P2RX2: variants seen among roughly 807,000 people sequenced by gnomAD.
The protein encoded by P2RX2 is P2X purinoceptor 2.
A neutral mutation model predicts 54.8 loss-of-function variants in P2RX2; 50 were observed. That is an observed-to-expected ratio of 0.91 (90% CI 0.73 to 1.15). The LOEUF is 1.15. Ranked by LOEUF, P2RX2 falls within the 50% of genes most tolerant of loss-of-function variation. The pLI is 0.00. For synonymous variants in P2RX2, 289 were observed against 259.4 expected (o/e 1.11, Z -1.09); for missense variants, 658 against 633.2 (o/e 1.04, Z -0.42).
rs2041534871 is a variant in P2RX2 at position 132,619,327 on chromosome 12, C to T, written c.174-112C>T. 5.7e-6 allele frequency: 7 copies of T among 1,231,076 alleles called. No homozygotes were observed. In the Admixed American group the frequency reaches 1.0e-4, roughly 18 times the overall value. 76.3% of individuals were successfully genotyped at this position (1,231,076 alleles called of 1,614,324 possible). Reference sequence around the variant, plus strand: ...TGGGACCGAGGGCGCGGGGCAGGCCCCAAGAGCCCCGCAGAGCGGACCCGG... The same window carrying T: ...TGGGACCGAGGGCGCGGGGCAGGCCTCAAGAGCCCCGCAGAGCGGACCCGG... On this transcript the variant is annotated intron_variant, in intron 1 of 10. Transcript: ENST00000643471.
chr12:132,621,853 T>G lies in P2RX2; in HGVS notation c.1297T>G (p.Phe433Val). The change falls in exon 11 of 11, where the codon TTC (phenylalanine) becomes GTC (valine). Residue 433 changes from phenylalanine to valine, a missense_variant. Physicochemically the swap from Phe to Val is conservative, Grantham distance 50. Coordinates refer to ENST00000643471, the MANE Select transcript of P2RX2 (RefSeq NM_170682.4). ...ACAAGGGGCAGAGTGTGGCCCAGCCTTCCCGCCCCTGCGGCCTTGCCCCAT... is the reference window on the plus strand; with the variant it reads ...ACAAGGGGCAGAGTGTGGCCCAGCCGTCCCGCCCCTGCGGCCTTGCCCCAT... The part of the protein sequence containing the change: ...GQQGAECGPA[F>V]PPLRPCPISA... 1 of 1,612,906 alleles carries G rather than the reference T, an allele frequency of 6.2e-7. No homozygotes were observed.
In P2RX2 at chr12:132,619,475, CGAGACG is replaced by C; in HGVS notation, c.212_217del (p.Glu71_Thr72del). 1.2e-6 allele frequency: 2 copies of C among 1,612,568 alleles called. No homozygotes were observed. Among genetic ancestry groups the C allele is most frequent in the Non-Finnish European group, 1.7e-6 (2 of 1,179,400 alleles). On this transcript the variant is annotated inframe_deletion, in exon 2 of 11. Transcript: ENST00000643471. ...TCGTGCAGAAAAGCTACCAGGAGAG[CGAGACG>C]GGCCCCGAGAGCTCCATCATCACCA...
intron 5 of P2RX2, 62 bp downstream of exon 5, chr12:132,620,158 G>A (rs942704508): frequency 1.3e-6 from 2 of 1,513,882 alleles, no homozygotes; most frequent in Non-Finnish European, 1.8e-6. Context: ...CTGACCAGAG[G>A]CCAAACGGGC....
intron 8 of P2RX2, 51 bp downstream of exon 8, chr12:132,621,182 C>T: frequency 6.2e-7 from 1 of 1,613,910 alleles, no homozygotes; most frequent in East Asian, 2.2e-5. Flanking sequence ...GTGGTGGGGT[C>T]CCGAGAGGCC....
rs745526236 is a variant in P2RX2, at chr12:132,621,702, T to C, written c.1146T>C (p.Cys382=). Residue 382 remains cysteine (C), a synonymous_variant, in exon 11 of 11, where the codon TGT becomes TGC. Coordinates refer to ENST00000643471, the MANE Select transcript of P2RX2 (RefSeq NM_170682.4). The part of the protein sequence containing the change: ...VYSHKKFDKV[C]TPSHPSGSWP... ...GCCATAAGAAATTTGACAAGGTGTG[T>C]ACGCCGAGCCACCCCTCAGGTAGCT... 3.1e-6 allele frequency: 5 copies of C among 1,613,612 alleles called. No individual in the cohort carries two copies. The South Asian group carries it at 4.4e-5, about 14-fold the overall frequency.
intron 8 of P2RX2, 41 bp from the exon 9 acceptor site, chr12:132,621,214 G>A (rs749478120): frequency 2.6e-5 from 42 of 1,613,836 alleles, no homozygotes; most frequent in Non-Finnish European, 3.4e-5. Context: ...GGGCAGCCCT[G>A]GAGTGCAGAG....
In P2RX2 at chr12:132,622,116, G is replaced by A; in HGVS notation, c.*144G>A. ...ACCACAGGATCCCTGTGCAAGGGCT[G>A]GGGGCACGCTCTGGCCCCAGGCTTG... On this transcript the variant is annotated 3_prime_UTR_variant, in exon 11 of 11. Coordinates refer to ENST00000643471, the MANE Select transcript of P2RX2 (RefSeq NM_170682.4). 1.3e-6 allele frequency: 2 copies of A among 1,494,116 alleles called. No individual in the cohort carries two copies. The highest frequency in any genetic ancestry group is 2.4e-5 in the East Asian group (1 of 42,542). 92.6% of individuals were successfully genotyped at this position (1,494,116 alleles called of 1,614,324 possible). A position where few individuals can be genotyped will look rare whatever the true frequency, so the allele number is the denominator to read the frequency against.
Position 132,619,726 on chromosome 12 carries a change from C to T in P2RX2, c.357C>T (p.Ser119=). The T allele has an allele frequency of 6.2e-7, 1 of 1,608,090 alleles. No homozygotes were observed. Among genetic ancestry groups the T allele is most frequent in the Non-Finnish European group, 8.5e-7 (1 of 1,177,346 alleles). ...TCACCAGGGTCGAGGCCACCCACTC[C>T]CAGACCCAGGGAACCTGCCCCGAGG... is the stretch of plus-strand genomic sequence containing the variant. ...SIITRVEATH[S]QTQGTCPESI... Residue 119 remains serine (S), a synonymous_variant, in exon 3 of 11, where the codon TCC becomes TCT. Coordinates refer to ENST00000643471, the MANE Select transcript of P2RX2 (RefSeq NM_170682.4).
rs759918249 is a variant in P2RX2 at position 132,619,370 on chromosome 12, G to A, written c.174-69G>A. On this transcript the variant is annotated intron_variant, in intron 1 of 10. Transcript: ENST00000643471. ...GGACCCGGGTCGCGGGAGGGCCCCT[G>A]CCGTGCCTGCGGGCGGGACTCAGCC... 6 of 1,585,858 alleles carry A rather than the reference G, an allele frequency of 3.8e-6. No individual in the cohort carries two copies. The East Asian group carries it at 1.4e-4, about 36-fold the overall frequency.
rs1196243674 is a variant in P2RX2, at chr12:132,619,521, A to C, written c.256A>C (p.Thr86Pro). 2 of 1,612,082 alleles carry C rather than the reference A, an allele frequency of 1.2e-6. No homozygotes were observed. The highest frequency in any genetic ancestry group is 1.7e-6 in the Non-Finnish European group (2 of 1,179,234). Residue 86 changes from threonine to proline, a missense_variant, in exon 2 of 11, where the codon ACC becomes CCC. By Grantham distance (38) the Thr-to-Pro change is conservative (BLOSUM62 -1). Transcript: ENST00000643471. ...SSIITKVKGI[T>P]TSEHKVWDVE... ...CATCATCACCAAGGTCAAGGGGATC[A>C]CCACGTCCGAGCACAAAGTGTGGGA...
At position 132,619,761 on chromosome 12, in the gene P2RX2, C is replaced by G. The variant is rs1241043175; in HGVS notation, c.381+11C>G. 1.2e-6 allele frequency: 2 copies of G among 1,609,818 alleles called. No individual in the cohort carries two copies. The highest frequency in any genetic ancestry group is 3.4e-5 in the Admixed American group (2 of 59,692). On this transcript the variant is annotated intron_variant, in intron 3 of 10. Coordinates refer to ENST00000643471, the MANE Select transcript of P2RX2 (RefSeq NM_170682.4). Reference sequence around the variant, plus strand: ...GGAACCTGCCCCGAGGTGAGGGGATCCCGCGGCGCTGGGGGACCCCGCCTC... The same window carrying G: ...GGAACCTGCCCCGAGGTGAGGGGATGCCGCGGCGCTGGGGGACCCCGCCTC...
Position 132,619,720 on chromosome 12 carries a change from C to T in P2RX2, c.351C>T (p.Thr117=), listed in dbSNP as rs373912361. ...VFSIITRVEA[T]HSQTQGTCPE... is the part of the protein sequence containing the mutation. ...GCATCATCACCAGGGTCGAGGCCACCCACTCCCAGACCCAGGGAACCTGCC... is the reference window on the plus strand; with the variant it reads ...GCATCATCACCAGGGTCGAGGCCACTCACTCCCAGACCCAGGGAACCTGCC... Residue 117 remains threonine (T), a synonymous_variant, in exon 3 of 11, where the codon ACC becomes ACT. Coordinates refer to ENST00000643471, the MANE Select transcript of P2RX2 (RefSeq NM_170682.4). The T allele has an allele frequency of 5.0e-6, 8 of 1,606,388 alleles. No homozygotes were observed. The African/African-American group carries it at 9.4e-5, about 19-fold the overall frequency.
In P2RX2 at chr12:132,622,258, G is replaced by A; in HGVS notation, c.*286G>A. On this transcript the variant is annotated 3_prime_UTR_variant, in exon 11 of 11. Coordinates refer to ENST00000643471, the MANE Select transcript of P2RX2 (RefSeq NM_170682.4). ...AACCCAAGCCAGCTGAGCTCTGAGG[G>A]GCTCTGCTCCCGGTCTTGGGCCCTG... is the stretch of plus-strand genomic sequence containing the variant. 1 of 1,340,846 alleles carries A rather than the reference G, an allele frequency of 7.5e-7. No homozygotes were observed. Among genetic ancestry groups the A allele is most frequent in the South Asian group, 1.8e-5 (1 of 55,304 alleles). The allele number at this position is 1,340,846 out of a possible 1,614,324, so 83.1% of individuals were successfully genotyped here.
In P2RX2 at chr12:132,621,671, T is replaced by A. The variant is rs1033258318; in HGVS notation, c.1115T>A (p.Val372Asp). Reference protein sequence around the residue: ...ILLTFMNKNKVYSHKKFDKVC... With the variant: ...ILLTFMNKNKDYSHKKFDKVC... The stretch of plus-strand genomic sequence containing the variant: ...CTAACATTCATGAACAAAAACAAGG[T>A]CTACAGCCATAAGAAATTTGACAAG... The change falls in exon 11 of 11, where the codon GTC (valine) becomes GAC (aspartate). Residue 372 changes from valine (V) to aspartate (D), a missense_variant. Val to Asp is a radical substitution (Grantham distance 152). Transcript: ENST00000643471. The A allele has an allele frequency of 6.2e-7, 1 of 1,613,696 alleles. No individual in the cohort carries two copies. The highest frequency in any genetic ancestry group is 1.3e-5 in the African/African-American group (1 of 74,992).
intron 2 of P2RX2, 49 bp from the exon 3 acceptor site, chr12:132,619,630 G>A (rs1279808110): frequency 1.3e-6 from 2 of 1,585,672 alleles, no homozygotes; most frequent in Non-Finnish European, 1.7e-6. Context: ...AGTGGGCGGA[G>A]GGGGCAGCGG....
intron 7 of P2RX2, 33 bp downstream of exon 7, chr12:132,620,616 T>C: frequency 6.5e-7 from 1 of 1,539,390 alleles, no homozygotes. Flanking sequence ...GGGGCCAGGG[T>C]GGGCTCCCAC....
In P2RX2 at chr12:132,622,278, G is replaced by A; in HGVS notation, c.*306G>A. ...TGAGGGGCTCTGCTCCCGGTCTTGGGCCCTGGGAACCCCACCCCACCCCAC... is the reference window on the plus strand; with the variant it reads ...TGAGGGGCTCTGCTCCCGGTCTTGGACCCTGGGAACCCCACCCCACCCCAC... On this transcript the variant is annotated 3_prime_UTR_variant, in exon 11 of 11. Coordinates refer to ENST00000643471, the MANE Select transcript of P2RX2 (RefSeq NM_170682.4). 7.8e-7 allele frequency: 1 copy of A among 1,289,410 alleles called. No individual in the cohort carries two copies. Among genetic ancestry groups the A allele is most frequent in the Non-Finnish European group, 9.9e-7 (1 of 1,014,136 alleles). The allele number at this position is 1,289,410 out of a possible 1,614,324, so 79.9% of individuals were successfully genotyped here. A position where few individuals can be genotyped will look rare whatever the true frequency, so the allele number is the denominator to read the frequency against.
At position 132,619,591 on chromosome 12, in the gene P2RX2, G is replaced by GC. The variant is rs761209231; in HGVS notation, c.309+23dup. 5.0e-6 allele frequency: 8 copies of GC among 1,600,386 alleles called. No homozygotes were observed. Among genetic ancestry groups the GC allele is most frequent in the Non-Finnish European group, 6.0e-6 (7 of 1,170,612 alleles). On this transcript the variant is annotated intron_variant, in intron 2 of 10. Coordinates refer to ENST00000643471, the MANE Select transcript of P2RX2 (RefSeq NM_170682.4). ...CCCCCCGAGGTGCGGGCCGCCCCCT[G>GC]CCCCCCGCCCCGCCGTGCACCCTAC...
Position 132,620,478 on chromosome 12 carries a change from G to A in P2RX2, c.669G>A (p.Leu223=). 1 of 1,614,104 alleles carries A rather than the reference G, an allele frequency of 6.2e-7. No individual in the cohort carries two copies. The highest frequency in any genetic ancestry group is 1.1e-5 in the South Asian group (1 of 91,086). ...GNIADRTDGY[L]KRCTFHEASD... is the part of the protein sequence containing the mutation. ...TCGCCGACCGCACAGACGGGTACCT[G>A]AAGCGCTGCACGTTCCACGAGGCCT... The change falls in exon 7 of 11, where the codon CTG becomes CTA. Residue 223 remains leucine (L), a synonymous_variant. Transcript: ENST00000643471.
Sources: allele counts gnomAD v4.1 joint callset, GRCh38; gene constraint gnomAD v4.1.1; transcripts MANE v1.5; gene names NCBI Gene and HGNC (gene_info 2026-07-23, HGNC 2026-07-21).